Variants in POU6F2 observed in about 807,000 individuals in gnomAD.
POU6F2 encodes POU domain, class 6, transcription factor 2.
A neutral mutation model predicts 71.3 loss-of-function variants in POU6F2; 31 were observed. The observed-to-expected ratio is 0.43, with a 90% CI of 0.33 to 0.59. The LOEUF (loss-of-function observed/expected upper bound fraction) is 0.59, where lower values mean the gene tolerates loss of function less well. Ranked by LOEUF, POU6F2 falls within the 20% of genes least tolerant of loss-of-function variation. The pLI is 0.04. For synonymous variants in POU6F2, 347 were observed against 355.7 expected (o/e 0.98, Z 0.27); for missense variants, 783 against 856.8 (o/e 0.91, Z 1.07).
chr7:39,060,887 T>G (rs1790641917), intron 1 of POU6F2, among the ~76,000 whole-genome samples: 4 of 151,908 alleles, frequency 2.6e-5, no homozygotes, highest in Admixed American at 6.6e-5. Flanking sequence ...TGTAGGGTGC[T>G]ATGATTGTGC....
At chr7:39,255,843 A>T (rs1490644334) in intron 4 of POU6F2, among the ~76,000 whole-genome samples, 3 of 152,182 alleles carry the variant, frequency 2.0e-5, no homozygotes, top group African/African-American at 7.2e-5. Context: ...TAAAAGCAGT[A>T]CTGCCCCTCT....
chr7:39,123,228 T>C (rs1042253443), intron 2 of POU6F2, among the ~76,000 whole-genome samples: 5 of 152,332 alleles, frequency 3.3e-5, no homozygotes, highest in African/African-American at 1.2e-4. Flanking sequence ...AGCCATTGTT[T>C]CATTGCACTG....
At chr7:39,338,919 C>T (rs1785845377) in intron 4 of POU6F2, among the ~76,000 whole-genome samples, 1 of 152,128 alleles carries the variant, frequency 6.6e-6, no homozygotes, top group African/African-American at 2.4e-5. Flanking sequence ...TAGGTGCTGT[C>T]CTGTCCTCAG....
At chr7:39,327,278 C>CAAAA (rs35085212) in intron 4 of POU6F2, among the ~76,000 whole-genome samples, 6 of 122,276 alleles carry the variant, frequency 4.9e-5, no homozygotes, top group Non-Finnish European at 8.8e-5. Flanking sequence ...GACTCTGTCT[C>CAAAA]AAAAAAAAAA....
chr7:39,010,938 T>G (rs1466612416), intron 1 of POU6F2, among the ~76,000 whole-genome samples: 1 of 151,402 alleles, frequency 6.6e-6, no homozygotes, highest in African/African-American at 2.4e-5. Flanking sequence ...AGATCTTTAC[T>G]TCCAAGTATG....
intron 5 of POU6F2, among the ~76,000 whole-genome samples, chr7:39,391,368 C>CT (rs1260845353): frequency 1.3e-5 from 2 of 151,516 alleles, no homozygotes; most frequent in African/African-American, 2.4e-5. Context: ...TCTTTTCCTC[C>CT]TTTTTTTTAC....
chr7:39,331,398 T>C (rs182837009), intron 4 of POU6F2, among the ~76,000 whole-genome samples: 5 of 152,338 alleles, frequency 3.3e-5, no homozygotes, highest in Admixed American at 3.3e-4. Context: ...ACCAATAGTA[T>C]GTAAGTGTTC....
chr7:39,006,188 G>A (rs1789062962), intron 1 of POU6F2, among the ~76,000 whole-genome samples: 2 of 152,126 alleles, frequency 1.3e-5, no homozygotes, highest in South Asian at 4.1e-4. Context: ...GTTGGGCCGG[G>A]CGCGGTGGCT....
chr7:39,341,756 G>A (rs1785921921), intron 5 of POU6F2, among the ~76,000 whole-genome samples: 2 of 152,110 alleles, frequency 1.3e-5, no homozygotes, highest in Non-Finnish European at 2.9e-5. Context: ...TTTGAGCTCT[G>A]TGGACCTCAG....
chr7:39,304,878 G>A (rs112496241), intron 4 of POU6F2, among the ~76,000 whole-genome samples: 236 of 152,342 alleles, frequency 1.5e-3, no homozygotes, highest in African/African-American at 5.1e-3. Flanking sequence ...ATAGCCACCA[G>A]AGTGTGGTAA....
intron 4 of POU6F2, among the ~76,000 whole-genome samples, chr7:39,211,704 C>T (rs1328541748): frequency 1.3e-5 from 2 of 152,168 alleles, no homozygotes; most frequent in East Asian, 3.9e-4. Context: ...AACCCAGCCT[C>T]ATTGGAACCT....
At chr7:39,272,316 A>G (rs140186662) in intron 4 of POU6F2, among the ~76,000 whole-genome samples, 2 of 152,292 alleles carry the variant, frequency 1.3e-5, no homozygotes, top group African/African-American at 4.8e-5. Context: ...CACTCCCATC[A>G]CAGTTCAGCT....
At chr7:39,379,689 T>TA (rs201435001) in intron 5 of POU6F2, among the ~76,000 whole-genome samples, 2,588 of 152,098 alleles carry the variant, frequency 0.017, 65 homozygotes, top group East Asian at 0.11. Flanking sequence ...TTTTTTCTTT[T>TA]AAAAAAAAAT....
chr7:39,049,693 G>A (rs1790366528), intron 1 of POU6F2, among the ~76,000 whole-genome samples: 1 of 151,968 alleles, frequency 6.6e-6, no homozygotes, highest in Non-Finnish European at 1.5e-5. Context: ...CCCTGAAGTA[G>A]AATTTTTATT....
At chr7:39,325,164 A>C (rs921066386) in intron 4 of POU6F2, among the ~76,000 whole-genome samples, 2 of 152,212 alleles carry the variant, frequency 1.3e-5, no homozygotes, top group Admixed American at 1.3e-4. Flanking sequence ...ACAGAATTAC[A>C]AATCTGGCAA....
intron 4 of POU6F2, among the ~76,000 whole-genome samples, chr7:39,260,307 C>T (rs1463923424): frequency 6.7e-6 from 1 of 150,252 alleles, no homozygotes; most frequent in African/African-American, 2.5e-5. Context: ...CATGTTCACA[C>T]CACACACACA....
At chr7:39,155,488 A>G (rs1302724840) in intron 2 of POU6F2, among the ~76,000 whole-genome samples, 2 of 152,204 alleles carry the variant, frequency 1.3e-5, no homozygotes, top group African/African-American at 4.8e-5. Flanking sequence ...TTGAAGACCA[A>G]TCTGGAGGAG....
In POU6F2 at chr7:39,066,789, A is replaced by G. The variant is rs188911045; in HGVS notation, c.106-19071A>G. Among the ~76,000 whole-genome samples the G allele has an allele frequency of 1.3e-3, 200 of 150,334 alleles. 3 individuals carry two copies. Among genetic ancestry groups the G allele is most frequent in the East Asian group, 1.6e-3 (8 of 5,158 alleles). On this transcript the variant is annotated intron_variant, in intron 1 of 9. Coordinates refer to ENST00000518318, the MANE Select transcript of POU6F2 (RefSeq NM_001370959.1). ...ATCTGGGAAATAAAGAGCTGAGAAT[A>G]TCTAAGACGTTTTTGACAAAGAAGA...
At chr7:39,298,561 T>A (rs1008761094) in intron 4 of POU6F2, among the ~76,000 whole-genome samples, 2 of 152,190 alleles carry the variant, frequency 1.3e-5, no homozygotes, top group Non-Finnish European at 2.9e-5. Context: ...TTGGTGGGAA[T>A]GTAAATTAGT....
Sources: allele counts gnomAD v4.1 joint callset (sites outside exome capture counted in the v4.1 genomes callset), GRCh38; gene constraint gnomAD v4.1.1; transcripts MANE v1.5; gene names NCBI Gene and HGNC (gene_info 2026-07-23, HGNC 2026-07-21).